The following DNAH8 variants were observed in gnomAD, a reference collection of about 807,000 sequenced individuals.
DNAH8 encodes the protein axonemal beta dynein heavy chain 8.
In DNAH8, 382 loss-of-function variants were observed where a neutral mutation model predicts 562.1. The observed-to-expected ratio is 0.68, with a 90% CI of 0.63 to 0.74. The LOEUF (loss-of-function observed/expected upper bound fraction) is 0.74. Ranked by LOEUF, DNAH8 falls within the 30% of genes least tolerant of loss-of-function variation. The pLI, the probability that DNAH8 is intolerant of heterozygous loss-of-function variation, is 0.00. For synonymous variants in DNAH8, 1,881 were observed against 1,919.4 expected (o/e 0.98, Z 0.52); for missense variants, 5,203 against 5,620.4 (o/e 0.93, Z 2.37).
Position 38,938,111 on chromosome 6 carries a change from G to A in DNAH8, c.11701G>A (p.Ala3901Thr), listed in dbSNP as rs560568324. 362 of 1,613,980 alleles carry A rather than the reference G, an allele frequency of 2.2e-4. 4 individuals carry two copies. In the South Asian group the frequency reaches 3.5e-3, roughly 16 times the overall value. ...CGCGGCTCAGGAGGAGTTCCGGCCC[G>A]CAGCCACCCGCGGAAGCATCCTCTA... is the stretch of plus-strand genomic sequence containing the variant. ...INAAQEEFRP[A>T]ATRGSILYFL... The change falls in exon 78 of 93, where the codon GCA (alanine) becomes ACA (threonine). Residue 3901 changes from alanine (A) to threonine (T), a missense_variant. Around this residue, in one of 6 missense-constraint regions of DNAH8, gnomAD observed 1,399 missense variants for 1,518.4 expected, o/e 0.92. Coordinates refer to ENST00000327475, the MANE Select transcript of DNAH8 (RefSeq NM_001206927.2).
Position 38,722,902 on chromosome 6 carries a change from A to AGAGGCCCCGCGCCCTCCGACAGTG in DNAH8, c.103_126dup (p.Arg35_Pro42dup), listed in dbSNP as rs1219418222. ...CTGCCCCTCCCCGTTCAGAAGAGGA[A>AGAGGCCCCGCGCCCTCCGACAGTG]GAGGCCCCGCGCCCTCCGACAGTGG... On this transcript the variant is annotated inframe_insertion, in exon 2 of 93. Coordinates refer to ENST00000327475, the MANE Select transcript of DNAH8 (RefSeq NM_001206927.2). 66 of 1,612,186 alleles carry AGAGGCCCCGCGCCCTCCGACAGTG rather than the reference A, an allele frequency of 4.1e-5. No individual in the cohort carries two copies. Among genetic ancestry groups the AGAGGCCCCGCGCCCTCCGACAGTG allele is most frequent in the Non-Finnish European group, 5.3e-5 (63 of 1,179,640 alleles).
chr6:38,916,592 C>A (rs749562349), intron 68 of DNAH8, among the ~76,000 whole-genome samples: 1 of 151,962 alleles, frequency 6.6e-6, no homozygotes, highest in Non-Finnish European at 1.5e-5. Flanking sequence ...TCACAATGAC[C>A]AGGACACATT....
At chr6:38,732,030 A>G (rs1382715311) in intron 4 of DNAH8, among the ~76,000 whole-genome samples, 1 of 152,102 alleles carries the variant, frequency 6.6e-6, no homozygotes, top group Admixed American at 6.5e-5. Context: ...TTTCTTTCTT[A>G]TGTGCATGTG....
intron 88 of DNAH8, among the ~76,000 whole-genome samples, chr6:38,997,901 G>T (rs190218641): frequency 1.2e-4 from 18 of 152,322 alleles, no homozygotes; most frequent in African/African-American, 4.1e-4. Context: ...GGAACTACAG[G>T]CATGTGCCAC....
rs115372838 is a variant in DNAH8 at position 38,967,054 on chromosome 6, A to G, written c.12452-4538A>G. 4.7e-4 allele frequency among the ~76,000 whole-genome samples: 72 copies of G among 152,334 alleles called. 1 individual carries two copies. The highest frequency in any genetic ancestry group is 2.0e-3 in the Admixed American group (31 of 15,308). On this transcript the variant is annotated intron_variant, in intron 82 of 92. Transcript: ENST00000327475. ...GAATTTTAGGGGTACATAAACATTT[A>G]GTCCATTGCAGATGCAGAAAAGCAT...
In DNAH8 at chr6:38,836,684, C is replaced by T. The variant is rs1032521078; in HGVS notation, c.4366-1258C>T. ...ACAACCCTTTTCAAAATGAGATGTA[C>T]TCCAACCCCCTAAAAAAAACAGGTG... On this transcript the variant is annotated intron_variant, in intron 32 of 92. Coordinates refer to ENST00000327475, the MANE Select transcript of DNAH8 (RefSeq NM_001206927.2). Among the ~76,000 whole-genome samples the T allele has an allele frequency of 2.0e-5, 3 of 151,960 alleles. No individual in the cohort carries two copies. The South Asian group carries it at 6.2e-4, about 32-fold the overall frequency.
At chr6:38,820,960 C>T (rs1772776669) in intron 26 of DNAH8, among the ~76,000 whole-genome samples, 1 of 152,030 alleles carries the variant, frequency 6.6e-6, no homozygotes, top group African/African-American at 2.4e-5. Context: ...CACATCTACT[C>T]GACATTATAG....
chr6:38,752,163 C>G (rs1165557828), intron 9 of DNAH8, among the ~76,000 whole-genome samples: 1 of 151,094 alleles, frequency 6.6e-6, no homozygotes. Context: ...TTTCCTTCCT[C>G]CCCCCACCCC....
intron 17 of DNAH8, among the ~76,000 whole-genome samples, chr6:38,785,326 T>C (rs1314844169): frequency 6.6e-6 from 1 of 152,158 alleles, no homozygotes; most frequent in Non-Finnish European, 1.5e-5. Flanking sequence ...AAAGTTTCTC[T>C]GATGGTGGTT....
chr6:38,770,443 G>A lies in DNAH8; in HGVS notation c.1648G>A (p.Ala550Thr), dbSNP rs748375168. 4.4e-6 allele frequency: 7 copies of A among 1,599,630 alleles called. No individual in the cohort carries two copies. Among genetic ancestry groups the A allele is most frequent in the Non-Finnish European group, 5.1e-6 (6 of 1,170,712 alleles). ...CATTTTTCTATTCAAGGAATATCAG[G>A]CATCTTTTCATAAAACAAGGAAACT... is the stretch of plus-strand genomic sequence containing the variant. ...DCIFLFKEYQ[A>T]SFHKTRKLIS... Residue 550 changes from alanine (A) to threonine (T), a missense_variant, in exon 12 of 93, where the codon GCA (alanine) becomes ACA (threonine). By Grantham distance (58) the Ala-to-Thr change is moderately conservative (BLOSUM62 0). Coordinates refer to ENST00000327475, the MANE Select transcript of DNAH8 (RefSeq NM_001206927.2).
chr6:38,931,850 T>C lies in DNAH8; in HGVS notation c.11314T>C (p.Phe3772Leu). ...TAAGGAATGTGATATCATGGATACA[T>C]TTAAACTTTACATTACTACGAAGTT... ...GDKECDIMDT[F>L]KLYITTKLPN... The change falls in exon 76 of 93, where the codon TTT (phenylalanine) becomes CTT (leucine). Residue 3772 changes from phenylalanine to leucine, a missense_variant. Around this residue, in one of 6 missense-constraint regions of DNAH8, gnomAD observed 1,399 missense variants for 1,518.4 expected, o/e 0.92. Transcript: ENST00000327475. 1 of 1,607,154 alleles carries C rather than the reference T, an allele frequency of 6.2e-7. No homozygotes were observed. Among genetic ancestry groups the C allele is most frequent in the Admixed American group, 1.7e-5 (1 of 58,510 alleles).
intron 8 of DNAH8, among the ~76,000 whole-genome samples, chr6:38,742,712 A>G (rs1764614401): frequency 6.6e-6 from 1 of 152,078 alleles, no homozygotes; most frequent in Non-Finnish European, 1.5e-5. Flanking sequence ...TCTCTTAATC[A>G]CATACCCTTA....
chr6:38,939,472 C>T (rs1262663639), intron 79 of DNAH8, among the ~76,000 whole-genome samples: 4 of 152,176 alleles, frequency 2.6e-5, no homozygotes, highest in Non-Finnish European at 5.9e-5. Context: ...ATTTACTGAG[C>T]ACATGTTATG....
chr6:38,792,728 A>C (rs879717983), intron 21 of DNAH8, among the ~76,000 whole-genome samples: 16 of 152,190 alleles, frequency 1.1e-4, no homozygotes, highest in Non-Finnish European at 2.2e-4. Flanking sequence ...AAGGACCAGC[A>C]CATAATGCAA....
intron 41 of DNAH8, among the ~76,000 whole-genome samples, chr6:38,853,960 C>T (rs1032126852): frequency 2.6e-5 from 4 of 151,272 alleles, no homozygotes; most frequent in South Asian, 2.1e-4. Context: ...TTTGCACTGT[C>T]GTAAAGTAAA....
At chr6:38,797,553 G>A (rs1678676) in intron 21 of DNAH8, among the ~76,000 whole-genome samples, 9 of 151,872 alleles carry the variant, frequency 5.9e-5, no homozygotes, top group East Asian at 1.9e-4. Flanking sequence ...TTAATTGCCC[G>A]TTTGTTTGTG....
chr6:38,841,845 G>T (rs1205103890), intron 33 of DNAH8, among the ~76,000 whole-genome samples: 1 of 151,992 alleles, frequency 6.6e-6, no homozygotes, highest in Non-Finnish European at 1.5e-5. Flanking sequence ...AGCCTCCCAA[G>T]TAGCTGGGAC....
intron 82 of DNAH8, among the ~76,000 whole-genome samples, chr6:38,964,730 A>G (rs1762858885): frequency 6.6e-6 from 1 of 152,168 alleles, no homozygotes; most frequent in Non-Finnish European, 1.5e-5. Flanking sequence ...TGATGACAGT[A>G]AAATATTCAC....
chr6:38,945,565 C>T lies in DNAH8; in HGVS notation c.12106C>T (p.Gln4036Ter). 1 of 1,614,062 alleles carries T rather than the reference C, an allele frequency of 6.2e-7. No homozygotes were observed. The highest frequency in any genetic ancestry group is 8.5e-7 in the Non-Finnish European group (1 of 1,179,988). Residue 4036 changes from glutamine (Q) to a stop codon, truncating the protein, a stop_gained, in exon 80 of 93, where the codon CAA becomes TAA. Coordinates refer to ENST00000327475, the MANE Select transcript of DNAH8 (RefSeq NM_001206927.2). LOFTEE classifies it high-confidence loss of function. ...LNLVELSKLPQFAEIMNQISR... is the reference protein window; with the variant it reads ...LNLVELSKLP ...TCTTGTGGAGCTGAGTAAACTTCCACAATTTGCAGAAATTATGAACCAGGT... is the reference window on the plus strand; with the variant it reads ...TCTTGTGGAGCTGAGTAAACTTCCATAATTTGCAGAAATTATGAACCAGGT...
Sources: gnomAD v4.1 joint callset for allele counts (sites outside exome capture counted in the v4.1 genomes callset) on GRCh38, gnomAD v4.1.1 for gene constraint, gnomAD v4.1.1 regional missense constraint, MANE v1.5 for transcripts, NCBI Gene and HGNC (gene_info 2026-07-23, HGNC 2026-07-21) for gene names.